Variants in COL3A1 observed in about 807,000 individuals in gnomAD.
COL3A1 encodes the protein collagen type III alpha 1 chain, also known as collagen alpha-1(III) chain.
A neutral mutation model predicts 200.9 loss-of-function variants in COL3A1; 46 were observed. The ratio of observed to expected loss-of-function variants is 0.23; its 90% CI spans 0.18 to 0.29. COL3A1 has a LOEUF of 0.29. Ranked by LOEUF, COL3A1 falls within the 10% of genes least tolerant of loss-of-function variation. The probability of loss-of-function intolerance (pLI) is 1.00; values close to 1 mark genes in which losing one functional copy is unlikely to be tolerated. For synonymous variants in COL3A1, 650 were observed against 628.0 expected (o/e 1.03, Z -0.52); for missense variants, 1,367 against 1,917.6 (o/e 0.71, Z 5.36).
At chr2:188,993,227 T>C in intron 15 of COL3A1, 134 bp from the exon 16 acceptor site, 1 of 778,774 alleles carries the variant, frequency 1.3e-6, no homozygotes, top group Non-Finnish European at 2.2e-6. Flanking sequence ...GATTAATGAT[T>C]CCTTGCTTTA....
chr2:188,974,388 C>T lies in COL3A1; in HGVS notation c.-102C>T. The T allele has an allele frequency of 3.6e-6, 3 of 830,360 alleles. No individual in the cohort carries two copies. The highest frequency in any genetic ancestry group is 2.6e-5 in the East Asian group (1 of 38,314). The allele number at this position is 830,360 out of a possible 1,614,324, so 51.4% of individuals were successfully genotyped here. ...GAATCTCAGTGGCTGAGTTTTATGA[C>T]GGGCCCGGTGCTGAAGGGCAGGGAA... On this transcript the variant is annotated 5_prime_UTR_variant, in exon 1 of 51. It adds an upstream start codon to the 5' untranslated region. Transcript: ENST00000304636.
rs778419091 is a variant in COL3A1, at chr2:189,009,207, C to G, written c.3809C>G (p.Pro1270Arg). The change falls in exon 48 of 51, where the codon CCT becomes CGT. Residue 1270 changes from proline (P) to arginine (R), a missense_variant. By Grantham distance (103) the Pro-to-Arg change is moderately radical (BLOSUM62 -2). Around this residue, in one of 5 missense-constraint regions of COL3A1, gnomAD observed 846 missense variants for 1,147.9 expected, o/e 0.74. Transcript: ENST00000304636. The stretch of plus-strand genomic sequence containing the variant: ...TGCAGAGACCTGAAATTCTGCCATC[C>G]TGAACTCAAGAGTGGTATGTTTGGT... ...RNCRDLKFCH[P>R]ELKSGEYWVD... The G allele has an allele frequency of 1.1e-5, 18 of 1,613,986 alleles. No individual in the cohort carries two copies. Among genetic ancestry groups the G allele is most frequent in the Non-Finnish European group, 1.5e-5 (18 of 1,180,038 alleles).
chr2:189,011,858 T>A lies in COL3A1; in HGVS notation c.*84T>A. Reference sequence around the variant, plus strand: ...TTCTAATCTTGTCAACCAGTGCAAGTGACCGACAAAATTCCAGTTATTTAT... The same window carrying A: ...TTCTAATCTTGTCAACCAGTGCAAGAGACCGACAAAATTCCAGTTATTTAT... On this transcript the variant is annotated 3_prime_UTR_variant, in exon 51 of 51. Transcript: ENST00000304636. The A allele has an allele frequency of 6.8e-7, 1 of 1,468,434 alleles. No homozygotes were observed. Among genetic ancestry groups the A allele is most frequent in the Non-Finnish European group, 9.5e-7 (1 of 1,053,898 alleles). The allele number at this position is 1,468,434 out of a possible 1,614,324, so 91.0% of individuals were successfully genotyped here. A position where few individuals can be genotyped will look rare whatever the true frequency, so the allele number is the denominator to read the frequency against.
intron 21 of COL3A1, 143 bp from the exon 22 acceptor site, chr2:188,995,549 T>C (rs2153502535): frequency 1.6e-6 from 1 of 633,160 alleles, no homozygotes; most frequent in South Asian, 2.1e-5. Context: ...CTAAGATAAC[T>C]GATTTTATGT....
Position 189,009,206 on chromosome 2 carries a change from C to T in COL3A1, c.3808C>T (p.Pro1270Ser). The T allele has an allele frequency of 6.2e-7, 1 of 1,614,110 alleles. No homozygotes were observed. Among genetic ancestry groups the T allele is most frequent in the Non-Finnish European group, 8.5e-7 (1 of 1,180,034 alleles). ...CTGCAGAGACCTGAAATTCTGCCAT[C>T]CTGAACTCAAGAGTGGTATGTTTGG... ...RNCRDLKFCH[P>S]ELKSGEYWVD... Residue 1270 changes from proline (P) to serine (S), a missense_variant, in exon 48 of 51, where the codon CCT (proline) becomes TCT (serine). By Grantham distance (74) the Pro-to-Ser change is moderately conservative. This residue lies in a region of COL3A1 where 846 missense variants were observed against 1,147.9 expected (regional missense o/e 0.74). Coordinates refer to ENST00000304636, the MANE Select transcript of COL3A1 (RefSeq NM_000090.4).
At chr2:188,991,135 G>T in intron 11 of COL3A1, 78 bp downstream of exon 11, 4 of 1,455,692 alleles carry the variant, frequency 2.7e-6, no homozygotes, top group Non-Finnish European at 3.8e-6. Context: ...CATATTGTGA[G>T]CCTTAACTTG....
intron 32 of COL3A1, 29 bp downstream of exon 32, chr2:188,999,924 C>A (rs1279207155): frequency 1.3e-6 from 2 of 1,571,072 alleles, no homozygotes; most frequent in Non-Finnish European, 8.6e-7. Flanking sequence ...GAGAAGCAGG[C>A]CTTATCTATA....
At chr2:188,992,807 T>C in intron 14 of COL3A1, 80 bp from the exon 15 acceptor site, 1 of 1,069,024 alleles carries the variant, frequency 9.4e-7, no homozygotes, top group Non-Finnish European at 1.5e-6. Flanking sequence ...CTTTACTTTA[T>C]ATGTGCTCAC....
chr2:188,986,335 T>A (rs1022770571), intron 4 of COL3A1, among the ~76,000 whole-genome samples: 17 of 152,050 alleles, frequency 1.1e-4, no homozygotes, highest in Non-Finnish European at 2.2e-4. Context: ...AAAATTTCTG[T>A]TGCATGGAAT....
intron 1 of COL3A1, among the ~76,000 whole-genome samples, chr2:188,980,870 G>T (rs1022017165): frequency 5.3e-5 from 8 of 151,078 alleles, no homozygotes; most frequent in Admixed American, 4.6e-4. Flanking sequence ...AAAATATTCA[G>T]CTTTCTAAAG....
At chr2:188,983,933 G>A (rs1405641182) in intron 1 of COL3A1, among the ~76,000 whole-genome samples, 2 of 151,898 alleles carry the variant, frequency 1.3e-5, no homozygotes, top group African/African-American at 4.8e-5. Context: ...CTGATTCATA[G>A]TTAATAGCTG....
At chr2:188,986,808 TG>T (rs1411016957) in intron 4 of COL3A1, among the ~76,000 whole-genome samples, 1 of 151,846 alleles carries the variant, frequency 6.6e-6, no homozygotes, top group Non-Finnish European at 1.5e-5. Flanking sequence ...TAGGAAAAAT[TG>T]GGGGGAACTA....
intron 11 of COL3A1, 99 bp downstream of exon 11, chr2:188,991,156 T>C (rs898908253): frequency 2.7e-5 from 34 of 1,279,012 alleles, no homozygotes; most frequent in Non-Finnish European, 3.7e-5. Flanking sequence ...TTTTCTGAAA[T>C]TTACCTGAAT....
intron 44 of COL3A1, 107 bp downstream of exon 44, chr2:189,007,097 ATATATAT>A: frequency 1.0e-4 from 1 of 9,914 alleles, no homozygotes. Flanking sequence ...AAAAGAATGA[ATATATAT>A]ATATATATAT....
intron 24 of COL3A1, 111 bp from the exon 25 acceptor site, chr2:188,997,047 ATATATAT>A (rs1688342133): frequency 2.8e-6 from 2 of 702,530 alleles, no homozygotes; most frequent in East Asian, 5.5e-5. Context: ...TATGAGACAT[ATATATAT>A]GAGACATATA....
rs1688598684 is a variant in COL3A1 at position 189,006,950 on chromosome 2, C to T, written c.3215C>T (p.Pro1072Leu). ...GDRGESGPAG[P>L]AGAPGPAGSR... ...TTTTCATCTTAGGGCCCTGCTGGCC[C>T]TGCTGGTGCTCCCGGTCCTGCTGGT... Residue 1072 changes from proline to leucine, a missense_variant, in exon 44 of 51, where the codon CCT (proline) becomes CTT (leucine). Coordinates refer to ENST00000304636, the MANE Select transcript of COL3A1 (RefSeq NM_000090.4). 6.2e-7 allele frequency: 1 copy of T among 1,613,326 alleles called. No individual in the cohort carries two copies. The highest frequency in any genetic ancestry group is 1.7e-5 in the Admixed American group (1 of 59,976).
chr2:188,993,594 T>C, intron 16 of COL3A1, 135 bp downstream of exon 16: 2 of 779,592 alleles, frequency 2.6e-6, no homozygotes, highest in Admixed American at 4.2e-5. Context: ...AATTGTTGCT[T>C]AGTGCTCTAA....
At position 189,009,188 on chromosome 2, in the gene COL3A1, G is replaced by A; in HGVS notation, c.3790G>A (p.Asp1264Asn). 1 of 1,614,176 alleles carries A rather than the reference G, an allele frequency of 6.2e-7. No individual in the cohort carries two copies. Among genetic ancestry groups the A allele is most frequent in the Non-Finnish European group, 8.5e-7 (1 of 1,180,034 alleles). Residue 1264 changes from aspartate to asparagine, a missense_variant, in exon 48 of 51, where the codon GAC becomes AAC. By Grantham distance (23) the Asp-to-Asn change is conservative. Transcript: ENST00000304636. ...TAAAAACCCCGCTAGAAACTGCAGAGACCTGAAATTCTGCCATCCTGAACT... is the reference window on the plus strand; with the variant it reads ...TAAAAACCCCGCTAGAAACTGCAGAAACCTGAAATTCTGCCATCCTGAACT... ...SRKNPARNCR[D>N]LKFCHPELKS...
intron 6 of COL3A1, 107 bp from the exon 7 acceptor site, chr2:188,988,483 A>G (rs764484048): frequency 2.5e-6 from 2 of 805,054 alleles, no homozygotes; most frequent in Non-Finnish European, 4.1e-6. Context: ...AAACTGGAGT[A>G]AAATTTGCTG....
Sources: gnomAD v4.1 joint callset for allele counts (sites outside exome capture counted in the v4.1 genomes callset) on GRCh38, gnomAD v4.1.1 for gene constraint, gnomAD v4.1.1 regional missense constraint, MANE v1.5 for transcripts, NCBI Gene and HGNC (gene_info 2026-07-23, HGNC 2026-07-21) for gene names.